The following PTPRT variants were observed in gnomAD, a reference collection of about 807,000 sequenced individuals.
PTPRT encodes protein tyrosine phosphatase receptor type T.
In PTPRT, 56 loss-of-function variants were observed where a neutral mutation model predicts 176.8. That is an observed-to-expected ratio of 0.32 (90% CI 0.26 to 0.40). The LOEUF (loss-of-function observed/expected upper bound fraction) is 0.40. Among genes scored for constraint, PTPRT ranks in the 10% least tolerant of loss-of-function variants. PTPRT has a pLI of 1.00. For synonymous variants in PTPRT, 783 were observed against 739.0 expected (o/e 1.06, Z -0.96); for missense variants, 1,540 against 1,908.2 (o/e 0.81, Z 3.60).
At chr20:42,501,059 C>A (rs1002489764) in intron 7 of PTPRT, among the ~76,000 whole-genome samples, 1 of 152,116 alleles carries the variant, frequency 6.6e-6, no homozygotes, top group African/African-American at 2.4e-5. Context: ...TGTAACAGAT[C>A]GATAACAAAA....
chr20:42,876,121 G>A (rs1327922921), intron 2 of PTPRT, among the ~76,000 whole-genome samples: 1 of 152,008 alleles, frequency 6.6e-6, no homozygotes, highest in African/African-American at 2.4e-5. Flanking sequence ...TAGGCTAACT[G>A]TAATCAGGGT....
At chr20:42,350,817 C>T (rs1454427685) in intron 10 of PTPRT, 87 bp from the exon 11 acceptor site, 1 of 985,098 alleles carries the variant, frequency 1.0e-6, no homozygotes, top group Non-Finnish European at 1.6e-6. Context: ...CTTAAAGACA[C>T]AGCATGGATA....
At chr20:42,067,733 T>C in the PTPRT span, among the ~76,000 whole-genome samples, 2 of 152,144 alleles carry the variant, frequency 1.3e-5, no homozygotes, top group African/African-American at 4.8e-5. Flanking sequence ...TCAAGTCCAT[T>C]TTTTATCCCT....
Position 42,969,459 on chromosome 20 carries a change from T to A in PTPRT, c.89-83527A>T, listed in dbSNP as rs1251650210. The A allele has an allele frequency of 2.0e-5, 3 of 152,152 alleles. No individual in the cohort carries two copies. The East Asian group carries it at 5.8e-4, about 29-fold the overall frequency. The allele number at this position is 152,152 out of a possible 1,614,324, so 9.4% of individuals were successfully genotyped here. A position where few individuals can be genotyped will look rare whatever the true frequency, so the allele number is the denominator to read the frequency against. Reference sequence around the variant, plus strand: ...CTCGGCCAGCTATACTTGCCTCTGCTCAACAATGATGATTTGAACGTACAT... The same window carrying A: ...CTCGGCCAGCTATACTTGCCTCTGCACAACAATGATGATTTGAACGTACAT... On this transcript the variant is annotated intron_variant, in intron 1 of 30. Coordinates refer to ENST00000373187, the MANE Select transcript of PTPRT (RefSeq NM_007050.6).
At chr20:42,905,749 G>A (rs2079467695) in intron 1 of PTPRT, among the ~76,000 whole-genome samples, 1 of 152,134 alleles carries the variant, frequency 6.6e-6, no homozygotes, top group Admixed American at 6.5e-5. Flanking sequence ...AAAAAAGGAT[G>A]AGTTCATGTC....
chr20:42,513,046 G>T (rs527398409), intron 7 of PTPRT, among the ~76,000 whole-genome samples: 51 of 152,196 alleles, frequency 3.4e-4, no homozygotes, highest in Admixed American at 7.2e-4. Flanking sequence ...TTTTAGTGGA[G>T]ACAGGGTTTC....
chr20:43,149,948 A>C (rs2014296261), intron 1 of PTPRT, among the ~76,000 whole-genome samples: 1 of 152,232 alleles, frequency 6.6e-6, no homozygotes, highest in Non-Finnish European at 1.5e-5. Context: ...TGAGATGTGA[A>C]GGGAAATGCA....
intron 2 of PTPRT, among the ~76,000 whole-genome samples, chr20:42,852,455 AT>A (rs892613782): frequency 1.3e-5 from 2 of 151,452 alleles, no homozygotes; most frequent in South Asian, 2.1e-4. Flanking sequence ...AAACCTGCTA[AT>A]TTTTTTTTAG....
At chr20:42,953,289 T>C (rs1460813336) in intron 1 of PTPRT, among the ~76,000 whole-genome samples, 1 of 152,170 alleles carries the variant, frequency 6.6e-6, no homozygotes, top group Non-Finnish European at 1.5e-5. Context: ...AGGTGCATAG[T>C]GAGGCAGGCC....
At chr20:42,579,338 T>C (rs1441995682) in intron 7 of PTPRT, among the ~76,000 whole-genome samples, 1 of 152,146 alleles carries the variant, frequency 6.6e-6, no homozygotes, top group Non-Finnish European at 1.5e-5. Context: ...TTCCAAGTCT[T>C]TGCTATTGTG....
chr20:42,861,918 C>T (rs1372617629), intron 2 of PTPRT, among the ~76,000 whole-genome samples: 1 of 151,866 alleles, frequency 6.6e-6, no homozygotes, highest in Non-Finnish European at 1.5e-5. Context: ...GGGAATGTGG[C>T]AGAGGATGTG....
intron 14 of PTPRT, among the ~76,000 whole-genome samples, chr20:42,238,933 G>T (rs2056297956): frequency 6.6e-6 from 1 of 152,094 alleles, no homozygotes; most frequent in Non-Finnish European, 1.5e-5. Flanking sequence ...GTATTCCCAA[G>T]AATCACCATA....
At chr20:42,506,696 T>A (rs181884006) in intron 7 of PTPRT, among the ~76,000 whole-genome samples, 16 of 152,280 alleles carry the variant, frequency 1.1e-4, no homozygotes, top group African/African-American at 3.6e-4. Context: ...CATTGAATAA[T>A]GGATGGTATT....
Position 42,804,349 on chromosome 20 carries a change from AC to A in PTPRT, c.215-12884del, listed in dbSNP as rs556655517. On this transcript the variant is annotated intron_variant, in intron 2 of 30. Coordinates refer to ENST00000373187, the MANE Select transcript of PTPRT (RefSeq NM_007050.6). ...ACTATCCCCCTTGACCACAATGCAG[AC>A]CCCAACCATCTCTTGGGTTCCCCTT... Among the ~76,000 whole-genome samples the A allele has an allele frequency of 2.6e-5, 4 of 152,210 alleles. No individual in the cohort carries two copies. In the South Asian group the frequency reaches 8.3e-4, roughly 32 times the overall value.
At chr20:42,756,259 G>C (rs908068496) in intron 6 of PTPRT, among the ~76,000 whole-genome samples, 1 of 152,172 alleles carries the variant, frequency 6.6e-6, no homozygotes, top group African/African-American at 2.4e-5. Flanking sequence ...GACTCAAGTT[G>C]GAATAGCAAT....
At chr20:42,851,279 T>A (rs1355115699) in intron 2 of PTPRT, among the ~76,000 whole-genome samples, 1 of 152,224 alleles carries the variant, frequency 6.6e-6, no homozygotes, top group Non-Finnish European at 1.5e-5. Flanking sequence ...GAGTTACTAC[T>A]TTCTATCAAA....
chr20:42,478,200 G>T (rs907636156), intron 7 of PTPRT, among the ~76,000 whole-genome samples: 1 of 152,180 alleles, frequency 6.6e-6, no homozygotes, highest in Admixed American at 6.5e-5. Context: ...GAGAGATGTT[G>T]TTGGGTGAAA....
At chr20:43,065,900 AAAGC>A (rs1470940045) in intron 1 of PTPRT, among the ~76,000 whole-genome samples, 1 of 152,230 alleles carries the variant, frequency 6.6e-6, no homozygotes, top group East Asian at 1.9e-4. Context: ...CCATAGAGTT[AAAGC>A]AATTTGCAAG....
At chr20:42,072,690 C>T (rs992585006), downstream of PTPRT, 2 of 188,772 alleles carry the variant, frequency 1.1e-5, no homozygotes, top group East Asian at 8.5e-5. Context: ...AATTTTTTCT[C>T]CTCCTCCTTC....
Sources: gnomAD v4.1 joint callset for allele counts (sites outside exome capture counted in the v4.1 genomes callset) on GRCh38, gnomAD v4.1.1 for gene constraint, MANE v1.5 for transcripts, NCBI Gene and HGNC (gene_info 2026-07-23, HGNC 2026-07-21) for gene names.